The following DERL1 variants were observed in gnomAD, a reference collection of about 807,000 sequenced individuals.
DERL1 encodes the protein derlin 1, also known as derlin-1.
A neutral mutation model predicts 41.6 loss-of-function variants in DERL1; 24 were observed. The ratio of observed to expected loss-of-function variants is 0.58; its 90% CI spans 0.42 to 0.81. The LOEUF is 0.81. DERL1 is among the 30% of genes least tolerant of loss of function. The probability of loss-of-function intolerance (pLI) is 0.00; values close to 1 mark genes in which losing one functional copy is unlikely to be tolerated. For missense variants in DERL1, 260 were observed against 314.3 expected (o/e 0.83, Z 1.31); for synonymous variants, 124 against 112.5 (o/e 1.10, Z -0.65).
At chr8:123,034,605 AGTCT>A (rs1563634981) in intron 1 of DERL1, among the ~76,000 whole-genome samples, 1 of 152,228 alleles carries the variant, frequency 6.6e-6, no homozygotes, top group African/African-American at 2.4e-5. Context: ...TATCCCAGAC[AGTCT>A]GACTCCAGAG....
chr8:123,038,868 T>C (rs1346229168), intron 1 of DERL1, among the ~76,000 whole-genome samples: 1 of 152,196 alleles, frequency 6.6e-6, no homozygotes, highest in Non-Finnish European at 1.5e-5. Flanking sequence ...AGTCATGTTT[T>C]TATATCCAAC....
intron 1 of DERL1, among the ~76,000 whole-genome samples, chr8:123,033,465 C>G (rs890956822): frequency 6.6e-6 from 1 of 152,056 alleles, no homozygotes; most frequent in Non-Finnish European, 1.5e-5. Context: ...GAGCTTCGGC[C>G]GGGAGTAGTG....
chr8:123,041,985 G>A lies in DERL1; in HGVS notation c.138C>T (p.Phe46=). 2 of 1,612,150 alleles carry A rather than the reference G, an allele frequency of 1.2e-6. No individual in the cohort carries two copies. The highest frequency in any genetic ancestry group is 8.5e-7 in the Non-Finnish European group (1 of 1,178,768). Residue 46 remains phenylalanine, a synonymous_variant, in exon 1 of 8, where the codon TTC becomes TTT. Coordinates refer to ENST00000259512, the MANE Select transcript of DERL1 (RefSeq NM_024295.6). ...CGGTAAGTACCTGAAAGCGATAAAG[G>A]AAGGCTTCGGGCCAGAGGAAGAGGT... ...PAYLFLWPEA[F]LYRFQIWRPI...
intron 1 of DERL1, among the ~76,000 whole-genome samples, chr8:123,041,450 G>A (rs544373902): frequency 6.6e-6 from 1 of 152,248 alleles, no homozygotes; most frequent in African/African-American, 2.4e-5. Flanking sequence ...ACTAAATTAG[G>A]TCTAGAGGGA....
At chr8:123,026,100 C>T (rs1268938150) in intron 2 of DERL1, among the ~76,000 whole-genome samples, 1 of 151,842 alleles carries the variant, frequency 6.6e-6, no homozygotes, top group Non-Finnish European at 1.5e-5. Context: ...AAAAAAGAAA[C>T]CCAACAAGTG....
chr8:123,035,200 C>T (rs1812900441), intron 1 of DERL1, among the ~76,000 whole-genome samples: 1 of 152,158 alleles, frequency 6.6e-6, no homozygotes, highest in African/African-American at 2.4e-5. Flanking sequence ...CAGTGTCTGT[C>T]AAAATATCTC....
chr8:123,024,515 C>T (rs781393641), intron 3 of DERL1, among the ~76,000 whole-genome samples: 9 of 152,186 alleles, frequency 5.9e-5, no homozygotes, highest in Non-Finnish European at 1.0e-4. Flanking sequence ...AGCAGAGAAA[C>T]GTACTGTGTC....
At chr8:123,040,632 T>C (rs1290527627) in intron 1 of DERL1, among the ~76,000 whole-genome samples, 1 of 152,214 alleles carries the variant, frequency 6.6e-6, no homozygotes, top group African/African-American at 2.4e-5. Flanking sequence ...AGGATCACTC[T>C]AGCTGTCTAG....
chr8:123,020,796 C>CAAAAAAAAAA (rs59816749), intron 6 of DERL1, among the ~76,000 whole-genome samples: 5 of 112,394 alleles, frequency 4.4e-5, no homozygotes, highest in Non-Finnish European at 8.6e-5. Flanking sequence ...CTAAAAATCC[C>CAAAAAAAAAA]AAAAAAAAAA....
chr8:123,020,816 A>C (rs1042235985), intron 6 of DERL1, among the ~76,000 whole-genome samples: 1 of 150,364 alleles, frequency 6.7e-6, no homozygotes, highest in African/African-American at 2.4e-5. Flanking sequence ...AAAAAAAAAA[A>C]ATAGCCGGGC....
chr8:123,041,237 C>G (rs968823779), intron 1 of DERL1, among the ~76,000 whole-genome samples: 1 of 152,234 alleles, frequency 6.6e-6, no homozygotes, highest in Non-Finnish European at 1.5e-5. Flanking sequence ...AATGCCAGAT[C>G]TTGCTATCTG....
chr8:123,022,620 C>T, intron 5 of DERL1, 64 bp downstream of exon 5: 1 of 1,501,280 alleles, frequency 6.7e-7, no homozygotes, highest in Non-Finnish European at 9.3e-7. Flanking sequence ...AAGTACATCT[C>T]TGGACTGAAG....
chr8:123,019,006 A>C, intron 7 of DERL1, 189 bp downstream of exon 7: 2 of 613,518 alleles, frequency 3.3e-6, no homozygotes, highest in Non-Finnish European at 5.9e-6. Flanking sequence ...AGTAACAGGA[A>C]GGCAACTGAG....
chr8:123,015,494 C>G lies in DERL1; in HGVS notation c.709G>C (p.Gly237Arg). 1 of 1,613,602 alleles carries G rather than the reference C, an allele frequency of 6.2e-7. No individual in the cohort carries two copies. The highest frequency in any genetic ancestry group is 1.6e-4 in the Middle Eastern group (1 of 6,062). Reference protein sequence around the residue: ...MRRAADQNGGGGRHNWGQGFR... With the variant: ...MRRAADQNGGRGRHNWGQGFR... ...CCCTGGCCCCAGTTGTGTCTCCCGCCTCCGCCATTCTGATCAGCAGCTCGC... is the reference window on the plus strand; with the variant it reads ...CCCTGGCCCCAGTTGTGTCTCCCGCGTCCGCCATTCTGATCAGCAGCTCGC... The change falls in exon 8 of 8, where the codon GGC becomes CGC. Residue 237 changes from glycine (G) to arginine (R), a missense_variant. Transcript: ENST00000259512.
intron 6 of DERL1, 140 bp from the exon 7 acceptor site, chr8:123,019,445 T>C (rs977558515): frequency 1.1e-5 from 7 of 634,116 alleles, no homozygotes; most frequent in African/African-American, 9.2e-5. Flanking sequence ...ATGAGCACTT[T>C]TGTAGTCTGA....
At chr8:123,041,819 G>A (rs968332968) in intron 1 of DERL1, 151 bp downstream of exon 1, 3 of 1,117,784 alleles carry the variant, frequency 2.7e-6, no homozygotes, top group Admixed American at 6.2e-5. Context: ...GAGCCTCCCC[G>A]GGCCCAAAGG....
chr8:123,015,825 CT>C, intron 7 of DERL1: 1 of 413,748 alleles, frequency 2.4e-6, no homozygotes. Context: ...TAAATTCACA[CT>C]CTGAACGTTT....
Position 123,041,947 on chromosome 8 carries a change from C to A in DERL1, c.153+23G>T. ...GGCCTCCTGGGGCCTGTAGTCTCCACGCCCCCCGTCTCCGGTAAGTACCTG... is the reference window on the plus strand; with the variant it reads ...GGCCTCCTGGGGCCTGTAGTCTCCAAGCCCCCCGTCTCCGGTAAGTACCTG... On this transcript the variant is annotated intron_variant, in intron 1 of 7. Transcript: ENST00000259512. The A allele has an allele frequency of 2.5e-6, 4 of 1,587,200 alleles. No individual in the cohort carries two copies. The South Asian group carries it at 3.4e-5, about 14-fold the overall frequency.
intron 6 of DERL1, among the ~76,000 whole-genome samples, chr8:123,019,631 G>C (rs192354722): frequency 6.6e-6 from 1 of 152,290 alleles, no homozygotes; most frequent in East Asian, 1.9e-4. Flanking sequence ...GCATGCTTCT[G>C]AATGCTTTCA....
Sources: allele counts gnomAD v4.1 joint callset (sites outside exome capture counted in the v4.1 genomes callset), GRCh38; gene constraint gnomAD v4.1.1; transcripts MANE v1.5; gene names NCBI Gene and HGNC (gene_info 2026-07-23, HGNC 2026-07-21).